Variants in ABCF1 observed in about 807,000 individuals in gnomAD.
ABCF1 encodes ATP binding cassette subfamily F member 1.
ABCF1 carries 73 observed loss-of-function variants against 126.3 expected under a neutral mutation model. The ratio of observed to expected loss-of-function variants is 0.58; its 90% CI spans 0.48 to 0.70. ABCF1 has a LOEUF of 0.70. Among genes scored for constraint, ABCF1 ranks in the 30% least tolerant of loss-of-function variants. ABCF1 has a pLI of 0.00. For synonymous variants in ABCF1, 345 were observed against 396.4 expected (o/e 0.87, Z 1.54); for missense variants, 786 against 1,057.5 (o/e 0.74, Z 3.56).
intron 20 of ABCF1, among the ~76,000 whole-genome samples, chr6:30,588,050 G>GC (rs1319351040): frequency 1.3e-5 from 2 of 151,870 alleles, no homozygotes; most frequent in African/African-American, 4.8e-5. Context: ...TTATAGGTAC[G>GC]CCCCACCATG....
At position 30,586,359 on chromosome 6, in the gene ABCF1, G is replaced by A; in HGVS notation, c.1885+54G>A. On this transcript the variant is annotated intron_variant, in intron 18 of 24. Coordinates refer to ENST00000326195, the MANE Select transcript of ABCF1 (RefSeq NM_001025091.2). This position sits in a 1 kb window ranked among gnomAD's most constrained non-coding sequence, Gnocchi z 4.9. ...CAGGAAGCACCGGAAGCATGTATGT[G>A]CACCCTAAATTCTCCACCAAGGCTG... 2 of 1,601,710 alleles carry A rather than the reference G, an allele frequency of 1.2e-6. No homozygotes were observed. The highest frequency in any genetic ancestry group is 1.7e-6 in the Non-Finnish European group (2 of 1,172,956).
chr6:30,585,812 GTCCCTGGT>G (rs1332461787), intron 16 of ABCF1, 59 bp from the exon 17 acceptor site: 25 of 1,552,380 alleles, frequency 1.6e-5, no homozygotes, highest in Non-Finnish European at 2.1e-5. Flanking sequence ...ATCACCACCA[GTCCCTGGT>G]TGTCCCTTTG....
At chr6:30,582,826 T>C (rs1316331361) in intron 9 of ABCF1, among the ~76,000 whole-genome samples, 1 of 152,196 alleles carries the variant, frequency 6.6e-6, no homozygotes, top group Non-Finnish European at 1.5e-5. Context: ...CCCGAATAGC[T>C]GAGACTATGG....
chr6:30,582,958 G>T, intron 9 of ABCF1, 108 bp from the exon 10 acceptor site: 5 of 1,410,456 alleles, frequency 3.5e-6, no homozygotes, highest in Non-Finnish European at 4.8e-6. Flanking sequence ...CTCCCAGAGT[G>T]CTGGGATTAC....
Position 30,583,105 on chromosome 6 carries a change from A to C in ABCF1, c.832A>C (p.Asn278His). The C allele has an allele frequency of 3.1e-6, 5 of 1,611,556 alleles. No homozygotes were observed. Among genetic ancestry groups the C allele is most frequent in the Non-Finnish European group, 3.4e-6 (4 of 1,178,700 alleles). ...ERQVASLKAA[N>H]AAENDFSVSQ... is the part of the protein sequence containing the mutation. The stretch of plus-strand genomic sequence containing the variant: ...CCAAGTGGCTTCATTAAAAGCAGCC[A>C]ATGCAGCTGAAAATGACTTCTCCGT... The change falls in exon 10 of 25, where the codon AAT becomes CAT. Residue 278 changes from asparagine to histidine, a missense_variant. Asn to His is a moderately conservative substitution (Grantham distance 68). Around this residue, in one of 4 missense-constraint regions of ABCF1, gnomAD observed 163 missense variants for 255.3 expected, o/e 0.64. Transcript: ENST00000326195. This position sits in a 1 kb window ranked among gnomAD's most constrained non-coding sequence, Gnocchi z 4.1.
In ABCF1 at chr6:30,583,741, G is replaced by T; in HGVS notation, c.1016+33G>T. The T allele has an allele frequency of 6.2e-7, 1 of 1,613,754 alleles. No individual in the cohort carries two copies. The highest frequency in any genetic ancestry group is 1.1e-5 in the South Asian group (1 of 91,078). On this transcript the variant is annotated intron_variant, in intron 11 of 24. Transcript: ENST00000326195. This position sits in a 1 kb window ranked among gnomAD's most constrained non-coding sequence, Gnocchi z 4.1. ...GAGGAGGGAGCTGGAGGCAAAAAAG[G>T]GCCTGGAGGGAAAAGAAGAGATTTC...
Position 30,585,275 on chromosome 6 carries a change from G to A in ABCF1, c.1407G>A (p.Glu469=). 1 of 1,613,384 alleles carries A rather than the reference G, an allele frequency of 6.2e-7. No individual in the cohort carries two copies. Among genetic ancestry groups the A allele is most frequent in the Non-Finnish European group, 8.5e-7 (1 of 1,179,938 alleles). The change falls in exon 15 of 25, where the codon GAG becomes GAA. Residue 469 remains glutamate, a synonymous_variant. Transcript: ENST00000326195. ...RVSLARALFM[E]PTLLMLDEPT... ...CACCCTCTAGGGCACTGTTCATGGA[G>A]CCCACACTGCTGATGCTGGATGAGC... is the stretch of plus-strand genomic sequence containing the variant.
chr6:30,590,518 G>T lies in ABCF1; in HGVS notation c.2372-17G>T, dbSNP rs532598114. 19 of 1,604,404 alleles carry T rather than the reference G, an allele frequency of 1.2e-5. No individual in the cohort carries two copies. The highest frequency in any genetic ancestry group is 6.7e-5 in the East Asian group (3 of 44,832). On this transcript the variant is annotated splice_polypyrimidine_tract_variant and intron_variant, in intron 24 of 24. Transcript: ENST00000326195. ...TCCTTTCTTCCTGCCCTCTGTTGTT[G>T]CTATCTTTCTTCAAAGCTGTGATCG...
At chr6:30,572,537 TC>T (rs1395581822) in intron 1 of ABCF1, among the ~76,000 whole-genome samples, 2 of 152,086 alleles carry the variant, frequency 1.3e-5, no homozygotes, top group African/African-American at 4.8e-5. Context: ...ACATTGTAGC[TC>T]CATCACCCAG....
At position 30,586,213 on chromosome 6, in the gene ABCF1, C is replaced by T. The variant is rs143395687; in HGVS notation, c.1793C>T (p.Ala598Val). Residue 598 changes from alanine (A) to valine (V), a missense_variant, in exon 18 of 25, where the codon GCC becomes GTC. Physicochemically the swap from Ala to Val is moderately conservative, Grantham distance 64 (BLOSUM62 0). Transcript: ENST00000326195. This position sits in a 1 kb window ranked among gnomAD's most constrained non-coding sequence, Gnocchi z 4.9. ...AACCAAGATGAGGAATCCCAGGAGG[C>T]CCCTGAGCTCCTGAAGCGCCCTAAG... ...RKNQDEESQE[A>V]PELLKRPKEY... 1.9e-6 allele frequency: 3 copies of T among 1,614,072 alleles called. No individual in the cohort carries two copies. Among genetic ancestry groups the T allele is most frequent in the South Asian group, 2.2e-5 (2 of 91,090 alleles).
At chr6:30,578,411 G>T in intron 5 of ABCF1, 26 bp downstream of exon 5, 1 of 1,614,138 alleles carries the variant, frequency 6.2e-7, no homozygotes, top group African/African-American at 1.3e-5. Flanking sequence ...GGTAAACGGA[G>T]ACTCCAAGGA....
Position 30,590,385 on chromosome 6 carries a change from C to A in ABCF1, c.2371+7C>A. On this transcript the variant is annotated splice_region_variant and intron_variant, in intron 24 of 24. Coordinates refer to ENST00000326195, the MANE Select transcript of ABCF1 (RefSeq NM_001025091.2). Reference sequence around the variant, plus strand: ...ATCAATGAATACAAGGGTGGTAAGTCAGCTGAGAGTGTGCCCTCATCCCTG... The same window carrying A: ...ATCAATGAATACAAGGGTGGTAAGTAAGCTGAGAGTGTGCCCTCATCCCTG... 1 of 1,604,460 alleles carries A rather than the reference C, an allele frequency of 6.2e-7. No homozygotes were observed.
In ABCF1 at chr6:30,585,905, A is replaced by T; in HGVS notation, c.1627A>T (p.Lys543Ter). The T allele has an allele frequency of 1.2e-6, 2 of 1,608,288 alleles. No individual in the cohort carries two copies. Among genetic ancestry groups the T allele is most frequent in the Non-Finnish European group, 1.7e-6 (2 of 1,177,428 alleles). Residue 543 changes from lysine to a stop codon, truncating the protein, a stop_gained, in exon 17 of 25, where the codon AAG (lysine) becomes TAG (stop). Transcript: ENST00000326195. LOFTEE classifies it high-confidence loss of function. ...GACCTTCAAAAAGATGTACCAGCAG[A>T]AGCAGAAAGAACTGCTGAAACAGTA... Reference protein sequence around the residue: ...YMTFKKMYQQKQKELLKQYEK... With the variant: ...YMTFKKMYQQ
Position 30,586,155 on chromosome 6 carries a change from C to T in ABCF1, c.1735C>T (p.Leu579=). Residue 579 remains leucine, a synonymous_variant, in exon 18 of 25, where the codon CTG becomes TTG. Transcript: ENST00000326195. This position sits in a 1 kb window ranked among gnomAD's most constrained non-coding sequence, Gnocchi z 4.9. ...KQAEKQTKEA[L]TRKQQKCRRK... ...CCAGGAAAAACAAACGAAGGAAGCC[C>T]TGACTCGGAAGCAGCAGAAATGCCG... 2 of 1,613,084 alleles carry T rather than the reference C, an allele frequency of 1.2e-6. No homozygotes were observed. Among genetic ancestry groups the T allele is most frequent in the Non-Finnish European group, 1.7e-6 (2 of 1,179,656 alleles).
chr6:30,577,805 A>G lies in ABCF1; in HGVS notation c.121-13A>G, dbSNP rs1202433458. The G allele has an allele frequency of 6.2e-7, 1 of 1,613,014 alleles. No homozygotes were observed. The highest frequency in any genetic ancestry group is 1.7e-5 in the Admixed American group (1 of 59,972). Reference sequence around the variant, plus strand: ...TGGAAACATGTTTACCTGTAGCTTAACTCCCTTTATAGTTCTTTGAAGAGC... The same window carrying G: ...TGGAAACATGTTTACCTGTAGCTTAGCTCCCTTTATAGTTCTTTGAAGAGC... On this transcript the variant is annotated splice_polypyrimidine_tract_variant and intron_variant, in intron 2 of 24. Transcript: ENST00000326195.
intron 6 of ABCF1, 21 bp downstream of exon 6, chr6:30,578,598 A>G: frequency 6.2e-7 from 1 of 1,601,304 alleles, no homozygotes; most frequent in Non-Finnish European, 8.5e-7. Flanking sequence ...TGGCTCGATC[A>G]GTCACTCTCA....
At chr6:30,578,233 G>A in intron 4 of ABCF1, 31 bp downstream of exon 4, 1 of 1,613,668 alleles carries the variant, frequency 6.2e-7, no homozygotes, top group African/African-American at 1.3e-5. Context: ...TGGGTACCTG[G>A]AATCCATGAG....
chr6:30,587,380 C>G (rs1482309049), intron 20 of ABCF1, among the ~76,000 whole-genome samples: 1 of 152,104 alleles, frequency 6.6e-6, no homozygotes, highest in African/African-American at 2.4e-5. Context: ...TGTGGTGGCT[C>G]ACACCTGTAA....
chr6:30,583,024 G>GGTA lies in ABCF1; in HGVS notation c.793-40_793-38dup, dbSNP rs1176624832. On this transcript the variant is annotated intron_variant, in intron 9 of 24. Transcript: ENST00000326195. The surrounding 1 kb of genome is among the most constrained non-coding windows in gnomAD (Gnocchi z 4.1). ...GGCTGTTTCATGGTGATGGGAAACT[G>GGTA]GTAGACTGTGGCTTCAAATGTAGTT... The GGTA allele has an allele frequency of 6.3e-7, 1 of 1,587,500 alleles. No homozygotes were observed. Among genetic ancestry groups the GGTA allele is most frequent in the African/African-American group, 1.3e-5 (1 of 74,490 alleles).
Sources: allele counts gnomAD v4.1 joint callset (sites outside exome capture counted in the v4.1 genomes callset), GRCh38; gene constraint gnomAD v4.1.1; regional missense constraint gnomAD v4.1.1; non-coding constraint Gnocchi (gnomAD v3.1); transcripts MANE v1.5; gene names NCBI Gene and HGNC (gene_info 2026-07-23, HGNC 2026-07-21).